MREG: variants seen among roughly 807,000 people sequenced by gnomAD.
MREG encodes dilute suppressor protein homolog.
Under a neutral mutation model 28.5 loss-of-function variants are expected in MREG, and 31 were observed. The observed-to-expected ratio is 1.09, with a 90% confidence interval of 0.82 to 1.47. The LOEUF is 1.47. MREG is among the 40% of genes most tolerant of loss of function. The pLI, the probability that MREG is intolerant of heterozygous loss-of-function variation, is 0.00. For missense variants in MREG, 256 were observed against 257.4 expected (o/e 0.99, Z 0.04); for synonymous variants, 106 against 95.2 (o/e 1.11, Z -0.66).
At chr2:215,969,843 A>G (rs537880471) in intron 2 of MREG, among the ~76,000 whole-genome samples, 3 of 151,820 alleles carry the variant, frequency 2.0e-5, no homozygotes, top group African/African-American at 4.8e-5. Context: ...CCTACTTAGG[A>G]CTCCCTTTGT....
At chr2:215,966,353 T>C (rs1692938667) in intron 2 of MREG, among the ~76,000 whole-genome samples, 1 of 152,206 alleles carries the variant, frequency 6.6e-6, no homozygotes, top group South Asian at 2.1e-4. Flanking sequence ...AATTTTTCCA[T>C]ATTTTTCATG....
Position 216,013,270 on chromosome 2 carries a change from C to A in MREG, c.58G>T (p.Glu20Ter). 3 of 1,549,864 alleles carry A rather than the reference C, an allele frequency of 1.9e-6. No homozygotes were observed. Among genetic ancestry groups the A allele is most frequent in the Non-Finnish European group, 2.6e-6 (3 of 1,146,740 alleles). Residue 20 changes from glutamate (E) to a stop codon, truncating the protein, a stop_gained, in exon 1 of 5, where the codon GAG becomes TAG. Transcript: ENST00000263268. LOFTEE classifies it high-confidence loss of function. ...VCCCCGCECL[E>*]ERALPEKEPL... ...TCCTTCTCAGGCAGGGCGCGCTCCT[C>A]CAAGCACTCGCACCCGCAGCAGCAG...
chr2:215,951,527 T>C (rs539850562), intron 2 of MREG, among the ~76,000 whole-genome samples: 1 of 152,350 alleles, frequency 6.6e-6, no homozygotes, highest in South Asian at 2.1e-4. Flanking sequence ...AAATAATATA[T>C]TGTGGTCAAT....
intron 1 of MREG, among the ~76,000 whole-genome samples, chr2:215,998,381 A>C (rs1001480209): frequency 6.6e-6 from 1 of 152,046 alleles, no homozygotes; most frequent in African/African-American, 2.4e-5. Context: ...TACAAAAACT[A>C]GGGCAAAAGG....
At chr2:215,969,643 C>G (rs1693035604) in intron 2 of MREG, among the ~76,000 whole-genome samples, 1 of 152,184 alleles carries the variant, frequency 6.6e-6, no homozygotes, top group Admixed American at 6.5e-5. Context: ...CCTGCCTGCC[C>G]TTTGTGCCAG....
At chr2:216,007,035 A>G (rs753656050) in intron 1 of MREG, among the ~76,000 whole-genome samples, 3 of 152,218 alleles carry the variant, frequency 2.0e-5, no homozygotes, top group Admixed American at 6.5e-5. Flanking sequence ...TGCTCTTTCT[A>G]TGGCATTGAA....
chr2:216,000,728 C>G (rs35990801), intron 1 of MREG, among the ~76,000 whole-genome samples: 1 of 152,066 alleles, frequency 6.6e-6, no homozygotes, highest in East Asian at 1.9e-4. Context: ...ACTTGTTGAA[C>G]GCAACAAACT....
At chr2:215,985,884 G>A (rs1239283472) in intron 2 of MREG, among the ~76,000 whole-genome samples, 1 of 152,044 alleles carries the variant, frequency 6.6e-6, no homozygotes, top group Non-Finnish European at 1.5e-5. Flanking sequence ...TCCTTAGTAA[G>A]TGAAATTTGG....
chr2:215,984,745 A>G (rs1203931961), intron 2 of MREG, among the ~76,000 whole-genome samples: 2 of 152,148 alleles, frequency 1.3e-5, no homozygotes, highest in Non-Finnish European at 2.9e-5. Context: ...TGCAATCACC[A>G]TGGAAAAGCA....
intron 1 of MREG, among the ~76,000 whole-genome samples, chr2:216,031,676 AAAGAAAGAAAGAAAG>A (rs749722146): frequency 0.039 from 2,031 of 51,492 alleles, 29 homozygotes; most frequent in Middle Eastern, 0.068. Context: ...AGAAAGAAAG[AAAGAAAGAAAGAAAG>A]AGAAAGAAAG....
chr2:216,031,433 G>GAAAA (rs777550968), intron 1 of MREG, among the ~76,000 whole-genome samples: 1 of 112,682 alleles, frequency 8.9e-6, no homozygotes, highest in African/African-American at 3.3e-5. Flanking sequence ...AGAAAGAAAA[G>GAAAA]AAAGAAAGAA....
At chr2:215,952,293 C>T (rs1692512314) in intron 2 of MREG, among the ~76,000 whole-genome samples, 1 of 152,052 alleles carries the variant, frequency 6.6e-6, no homozygotes. Flanking sequence ...TACTGTATTG[C>T]TTACTTGGAA....
chr2:215,963,669 A>G (rs1486345381), intron 2 of MREG, among the ~76,000 whole-genome samples: 2 of 152,224 alleles, frequency 1.3e-5, no homozygotes, highest in Non-Finnish European at 2.9e-5. Context: ...TTAATTTTAA[A>G]GTATGGCAAA....
chr2:215,949,071 ACT>A (rs1559173472), intron 2 of MREG, among the ~76,000 whole-genome samples: 10,913 of 139,340 alleles, frequency 0.078, 472 homozygotes, highest in South Asian at 0.13. Context: ...TACTACTACT[ACT>A]ACTACTACTA....
rs1250705821 is a variant in MREG at position 215,943,918 on chromosome 2, A to G, written c.*945T>C. Among the ~76,000 whole-genome samples, 1 of 149,210 alleles carries G rather than the reference A, an allele frequency of 6.7e-6. No homozygotes were observed. Among genetic ancestry groups the G allele is most frequent in the Non-Finnish European group, 1.5e-5 (1 of 67,454 alleles). On this transcript the variant is annotated 3_prime_UTR_variant, in exon 5 of 5. Coordinates refer to ENST00000263268, the MANE Select transcript of MREG (RefSeq NM_018000.3). ...ATATACAAAGATGAGAGAACCAGATATCAATAATGTTGGGAATTTAAAATG... is the reference window on the plus strand; with the variant it reads ...ATATACAAAGATGAGAGAACCAGATGTCAATAATGTTGGGAATTTAAAATG...
At chr2:216,021,532 C>A (rs968770864) in intron 1 of MREG, among the ~76,000 whole-genome samples, 2 of 152,276 alleles carry the variant, frequency 1.3e-5, no homozygotes, top group Non-Finnish European at 2.9e-5. Flanking sequence ...ACTGTACAAC[C>A]CCAAATGTGA....
At chr2:215,980,715 G>A (rs923638724) in intron 2 of MREG, among the ~76,000 whole-genome samples, 1 of 152,204 alleles carries the variant, frequency 6.6e-6, no homozygotes, top group African/African-American at 2.4e-5. Flanking sequence ...GGGAGGCTGA[G>A]GCAGGAGAAT....
intron 2 of MREG, among the ~76,000 whole-genome samples, chr2:215,958,017 A>ATTAGCAGCATGAGAACAGACTAAT (rs1692674348): frequency 6.6e-6 from 1 of 151,482 alleles, no homozygotes; most frequent in Non-Finnish European, 1.5e-5. Context: ...CAAAAAACCA[A>ATTAGCAGCATGAGAACAGACTAAT]ACACCGCACG....
rs1185275979 is a variant in MREG at position 215,943,393 on chromosome 2, G to T, written c.*1470C>A. 4.4e-6 allele frequency: 2 copies of T among 456,580 alleles called. No individual in the cohort carries two copies. The highest frequency in any genetic ancestry group is 2.0e-5 in the African/African-American group (1 of 50,084). The allele number at this position is 456,580 out of a possible 1,614,324, so 28.3% of individuals were successfully genotyped here. ...TCTGAAGAGAAGAAGGTCCAGCAAAGATCTTCAGTGCAATACTCCCTGCAT... is the reference window on the plus strand; with the variant it reads ...TCTGAAGAGAAGAAGGTCCAGCAAATATCTTCAGTGCAATACTCCCTGCAT... On this transcript the variant is annotated 3_prime_UTR_variant, in exon 5 of 5. Transcript: ENST00000263268.
Sources: gnomAD v4.1 joint callset for allele counts (sites outside exome capture counted in the v4.1 genomes callset) on GRCh38, gnomAD v4.1.1 for gene constraint, MANE v1.5 for transcripts, NCBI Gene and HGNC (gene_info 2026-07-23, HGNC 2026-07-21) for gene names.